The following OSTC variants were observed in gnomAD, a reference collection of about 807,000 sequenced individuals.
The protein encoded by OSTC is oligosaccharyltransferase complex subunit OSTC.
A neutral mutation model predicts 16.4 loss-of-function variants in OSTC; 16 were observed. The observed-to-expected ratio is 0.98, with a 90% CI of 0.66 to 1.49. The LOEUF (loss-of-function observed/expected upper bound fraction) is 1.49. Ranked by LOEUF, OSTC falls within the 40% of genes most tolerant of loss-of-function variation. The pLI is 0.00. For missense variants in OSTC, 139 were observed against 186.3 expected (o/e 0.75, Z 1.48); for synonymous variants, 67 against 68.5 (o/e 0.98, Z 0.11).
chr4:108,660,338 C>T (rs1178024432), intron 3 of OSTC, among the ~76,000 whole-genome samples: 2 of 152,138 alleles, frequency 1.3e-5, no homozygotes, highest in Non-Finnish European at 2.9e-5. Context: ...CATTTCTCAT[C>T]TGCAGCTCCT....
intron 3 of OSTC, among the ~76,000 whole-genome samples, chr4:108,659,277 G>T (rs1425862859): frequency 6.6e-6 from 1 of 151,936 alleles, no homozygotes; most frequent in African/African-American, 2.4e-5. Flanking sequence ...ACTGTGCCCG[G>T]CCAGCAGCTC....
At chr4:108,650,866 C>A in intron 1 of OSTC, 72 bp downstream of exon 1, 1 of 1,602,106 alleles carries the variant, frequency 6.2e-7, no homozygotes, top group Non-Finnish European at 8.5e-7. Flanking sequence ...GCGTCTGTTC[C>A]GCTGACTCTC....
chr4:108,658,052 C>T (rs1403143903), intron 3 of OSTC, among the ~76,000 whole-genome samples: 1 of 149,946 alleles, frequency 6.7e-6, no homozygotes, highest in East Asian at 2.0e-4. Flanking sequence ...CTGCCTCAGC[C>T]TTCTGAGTAG....
chr4:108,656,190 A>G (rs1726696669), intron 2 of OSTC, among the ~76,000 whole-genome samples: 1 of 151,764 alleles, frequency 6.6e-6, no homozygotes, highest in Non-Finnish European at 1.5e-5. Context: ...CATCAGTGAA[A>G]CCCCGTTCCA....
intron 3 of OSTC, among the ~76,000 whole-genome samples, chr4:108,661,217 C>CA (rs34609606): frequency 0.01 from 1,083 of 103,204 alleles, 15 homozygotes; most frequent in African/African-American, 0.036. Flanking sequence ...GACTCCATCT[C>CA]AAAAAAAAAA....
intron 1 of OSTC, among the ~76,000 whole-genome samples, chr4:108,654,495 G>A (rs1458543001): frequency 6.6e-6 from 1 of 152,186 alleles, no homozygotes; most frequent in Non-Finnish European, 1.5e-5. Flanking sequence ...CCACATTATA[G>A]GAGGTGGGAA....
At chr4:108,661,810 G>A (rs1020235924) in intron 3 of OSTC, among the ~76,000 whole-genome samples, 16 of 152,172 alleles carry the variant, frequency 1.1e-4, no homozygotes, top group African/African-American at 3.9e-4. Flanking sequence ...TTTGGCAGAG[G>A]CTGGTCTCGA....
chr4:108,653,991 A>G (rs561336837), intron 1 of OSTC, among the ~76,000 whole-genome samples: 5 of 152,200 alleles, frequency 3.3e-5, no homozygotes, highest in Non-Finnish European at 7.3e-5. Context: ...GAGGGCCTCC[A>G]ACATTTAGTT....
In OSTC at chr4:108,650,826, G is replaced by A. The variant is rs374478507; in HGVS notation, c.139+32G>A. The A allele has an allele frequency of 2.0e-3, 3,197 of 1,613,496 alleles. 38 individuals carry two copies. The highest frequency in any genetic ancestry group is 0.02 in the South Asian group (1,787 of 91,044). Reference sequence around the variant, plus strand: ...CGGGCTGTCGGGCCCGAGAGGCTGAGGAGCGGAGAACTGACCCGCCCCGGG... The same window carrying A: ...CGGGCTGTCGGGCCCGAGAGGCTGAAGAGCGGAGAACTGACCCGCCCCGGG... On this transcript the variant is annotated intron_variant, in intron 1 of 3. Coordinates refer to ENST00000361564, the MANE Select transcript of OSTC (RefSeq NM_021227.4).
chr4:108,658,196 T>A (rs1378031053), intron 3 of OSTC, among the ~76,000 whole-genome samples: 1 of 152,062 alleles, frequency 6.6e-6, no homozygotes, highest in Non-Finnish European at 1.5e-5. Context: ...CCTTCCAAAG[T>A]GCTGGGATTA....
intron 1 of OSTC, among the ~76,000 whole-genome samples, chr4:108,653,044 C>CA (rs1000411365): frequency 1.3e-5 from 2 of 151,784 alleles, no homozygotes; most frequent in Non-Finnish European, 2.9e-5. Context: ...GTTTCAGAAA[C>CA]AAAAAACAAA....
At chr4:108,655,773 G>T (rs976891167) in intron 2 of OSTC, 116 bp downstream of exon 2, 4 of 676,594 alleles carry the variant, frequency 5.9e-6, no homozygotes, top group African/African-American at 3.7e-5. Flanking sequence ...GACAACAGCT[G>T]TTTTAAAATG....
At chr4:108,665,533 G>GTTTTGTTTTGTTTTGTTT (rs33968685) in intron 3 of OSTC, among the ~76,000 whole-genome samples, 6,339 of 125,908 alleles carry the variant, frequency 0.05, 193 homozygotes, top group Middle Eastern at 0.07. Flanking sequence ...AGGATGTTTT[G>GTTTTGTTTTGTTTTGTTT]TGTTTTGTTT....
chr4:108,650,885 G>A (rs1008162395), intron 1 of OSTC, 91 bp downstream of exon 1: 8 of 1,569,708 alleles, frequency 5.1e-6, no homozygotes, highest in Non-Finnish European at 6.1e-6. Flanking sequence ...TCAGCCCCGG[G>A]GGAAGCATAG....
chr4:108,660,355 T>C (rs567660790), intron 3 of OSTC, among the ~76,000 whole-genome samples: 4 of 152,202 alleles, frequency 2.6e-5, no homozygotes, highest in African/African-American at 9.7e-5. Flanking sequence ...TCCTAATGCC[T>C]GGTACCTTGG....
At position 108,650,621 on chromosome 4, in the gene OSTC, G is replaced by C. The variant is rs1279257168; in HGVS notation, c.-35G>C. On this transcript the variant is annotated 5_prime_UTR_variant, in exon 1 of 4. Transcript: ENST00000361564. ...GGCCTGTTTCCGGGAGGCGCGTGGG[G>C]CTTGAGGCCGAGAACGGCCCTTGCT... 1 of 1,610,640 alleles carries C rather than the reference G, an allele frequency of 6.2e-7. No individual in the cohort carries two copies. The highest frequency in any genetic ancestry group is 2.2e-5 in the East Asian group (1 of 44,798).
chr4:108,655,777 T>A (rs921033384), intron 2 of OSTC, 120 bp downstream of exon 2: 5 of 665,068 alleles, frequency 7.5e-6, no homozygotes, highest in African/African-American at 3.7e-5. Flanking sequence ...ACAGCTGTTT[T>A]AAAATGCTGG....
chr4:108,656,558 TA>T (rs1428007599), intron 2 of OSTC, among the ~76,000 whole-genome samples: 2 of 144,920 alleles, frequency 1.4e-5, no homozygotes, highest in African/African-American at 5.2e-5. Context: ...GAGAATTTGA[TA>T]AAAGCTCTGT....
chr4:108,650,924 A>G lies in OSTC; in HGVS notation c.139+130A>G, dbSNP rs1255184395. On this transcript the variant is annotated intron_variant, in intron 1 of 3. Coordinates refer to ENST00000361564, the MANE Select transcript of OSTC (RefSeq NM_021227.4). ...TGCTTTGGATCTTTTCTGAGGGTGG[A>G]GGGGAGTTCTGGGGTCCGAAGTGTT... The G allele has an allele frequency of 2.9e-6, 4 of 1,372,106 alleles. No homozygotes were observed. The African/African-American group carries it at 5.8e-5, about 20-fold the overall frequency. The allele number at this position is 1,372,106 out of a possible 1,614,324, so 85.0% of individuals were successfully genotyped here.
Sources: gnomAD v4.1 joint callset for allele counts (sites outside exome capture counted in the v4.1 genomes callset) on GRCh38, gnomAD v4.1.1 for gene constraint, MANE v1.5 for transcripts, NCBI Gene and HGNC (gene_info 2026-07-23, HGNC 2026-07-21) for gene names.